Variants in PCDHB8 observed in about 807,000 individuals in gnomAD.
The protein encoded by PCDHB8 is protocadherin beta 8.
For synonymous variants in PCDHB8, 385 were observed against 448.5 expected, an observed-to-expected ratio of 0.86 and a Z score of 1.79; for missense variants, 836 against 1,004.0, an observed-to-expected ratio of 0.83 and a Z score of 2.26.
chr5:141,180,453 T>A lies in PCDHB8; in HGVS notation c.*13T>A. 1 of 1,476,956 alleles carries A rather than the reference T, an allele frequency of 6.8e-7. No homozygotes were observed. Among genetic ancestry groups the A allele is most frequent in the Non-Finnish European group, 9.0e-7 (1 of 1,105,918 alleles). 91.5% of individuals were successfully genotyped at this position (1,476,956 alleles called of 1,614,324 possible). A position where few individuals can be genotyped will look rare whatever the true frequency, so the allele number is the denominator to read the frequency against. ...TCAGTTAAAGTAATTGATTTCATAT[T>A]ATATATTTTAATTTTTATGATCAAT... On this transcript the variant is annotated 3_prime_UTR_variant, in exon 1 of 1. Coordinates refer to ENST00000239444, the MANE Select transcript of PCDHB8 (RefSeq NM_019120.5).
At position 141,179,938 on chromosome 5, in the gene PCDHB8, A is replaced by T; in HGVS notation, c.1904A>T (p.Asp635Val). ...ACCGCCAGGCTGCTGAGCGAGCGCG[A>T]CGCGGCCAAGCAGAGGCTGGTGGTG... ...VRTARLLSERDAAKQRLVVLV... is the reference protein window; with the variant it reads ...VRTARLLSERVAAKQRLVVLV... The change falls in exon 1 of 1, where the codon GAC becomes GTC. Residue 635 changes from aspartate (D) to valine (V), a missense_variant. Transcript: ENST00000239444. 6.2e-7 allele frequency: 1 copy of T among 1,608,916 alleles called. No homozygotes were observed. Among genetic ancestry groups the T allele is most frequent in the Non-Finnish European group, 8.5e-7 (1 of 1,179,548 alleles).
chr5:141,178,716 C>T lies in PCDHB8; in HGVS notation c.682C>T (p.Gln228Ter). ...CTCTCCGCCCAGATCTGGCACTGCT[C>T]AGGTCTACATTGAAGTTGTCGATGT... ...GGSPPRSGTAQVYIEVVDVND... is the reference protein window; with the variant it reads ...GGSPPRSGTA Residue 228 changes from glutamine to a stop codon, truncating the protein, a stop_gained, in exon 1 of 1, where the codon CAG becomes TAG. Coordinates refer to ENST00000239444, the MANE Select transcript of PCDHB8 (RefSeq NM_019120.5). LOFTEE classifies it low-confidence loss of function (END_TRUNC). 6.4e-7 allele frequency: 1 copy of T among 1,574,072 alleles called. No homozygotes were observed. Among genetic ancestry groups the T allele is most frequent in the Non-Finnish European group, 8.7e-7 (1 of 1,146,512 alleles).
chr5:141,180,224 G>C lies in PCDHB8; in HGVS notation c.2190G>C (p.Glu730Asp). 6.2e-7 allele frequency: 1 copy of C among 1,613,408 alleles called. No individual in the cohort carries two copies. The change falls in exon 1 of 1, where the codon GAG becomes GAC. Residue 730 changes from glutamate to aspartate, a missense_variant. Transcript: ENST00000239444. ...AASVGRCSVPEGPFPGHLVDV... is the reference protein window; with the variant it reads ...AASVGRCSVPDGPFPGHLVDV... ...CGGTGGGTCGCTGCTCAGTGCCTGA[G>C]GGCCCCTTTCCAGGGCATCTGGTGG...
Position 141,180,500 on chromosome 5 carries a change from A to G in PCDHB8, c.*60A>G. The G allele has an allele frequency of 7.9e-7, 1 of 1,258,694 alleles. No individual in the cohort carries two copies. 78.0% of individuals were successfully genotyped at this position (1,258,694 alleles called of 1,614,324 possible). On this transcript the variant is annotated 3_prime_UTR_variant, in exon 1 of 1. Coordinates refer to ENST00000239444, the MANE Select transcript of PCDHB8 (RefSeq NM_019120.5). ...CAATTCAAAGGAATGGTTTTCTGTC[A>G]ACTTAGCATAAATTTTAAATTACAC...
chr5:141,177,991 T>C lies in PCDHB8; in HGVS notation c.-44T>C. The C allele has an allele frequency of 6.2e-7, 1 of 1,613,718 alleles. No homozygotes were observed. The highest frequency in any genetic ancestry group is 8.5e-7 in the Non-Finnish European group (1 of 1,179,944). On this transcript the variant is annotated 5_prime_UTR_variant, in exon 1 of 1. Transcript: ENST00000239444. Reference sequence around the variant, plus strand: ...GCCTCAGATACTGGGGACTTTACAGTCCCACAGAACCGTCCTCCCAGGAAG... The same window carrying C: ...GCCTCAGATACTGGGGACTTTACAGCCCCACAGAACCGTCCTCCCAGGAAG...
rs781970657 is a variant in PCDHB8 at position 141,179,285 on chromosome 5, G to A, written c.1251G>A (p.Glu417=). ...ETPLDRESRA[E]YNVTITVTDL... is the part of the protein sequence containing the mutation. ...CACTAGACAGAGAAAGCAGAGCCGAGTACAACGTCACTATCACCGTCACTG... is the reference window on the plus strand; with the variant it reads ...CACTAGACAGAGAAAGCAGAGCCGAATACAACGTCACTATCACCGTCACTG... Residue 417 remains glutamate (E), a synonymous_variant, in exon 1 of 1, where the codon GAG becomes GAA. Transcript: ENST00000239444. The A allele has an allele frequency of 6.8e-6, 11 of 1,614,234 alleles. No individual in the cohort carries two copies. The highest frequency in any genetic ancestry group is 4.5e-5 in the East Asian group (2 of 44,888).
Position 141,179,520 on chromosome 5 carries a change from G to T in PCDHB8, c.1486G>T (p.Asp496Tyr). ...QVTYSLLPPQ[D>Y]PHLPLASLVS... is the part of the protein sequence containing the mutation. ...CACCTACTCGCTGCTGCCGCCCCAG[G>T]ATCCGCACCTGCCCCTCGCCTCCCT... Residue 496 changes from aspartate (D) to tyrosine (Y), a missense_variant, in exon 1 of 1, where the codon GAT becomes TAT. Coordinates refer to ENST00000239444, the MANE Select transcript of PCDHB8 (RefSeq NM_019120.5). 6.2e-7 allele frequency: 1 copy of T among 1,613,690 alleles called. No homozygotes were observed. The highest frequency in any genetic ancestry group is 8.5e-7 in the Non-Finnish European group (1 of 1,179,996).
In PCDHB8 at chr5:141,180,016, T is replaced by G; in HGVS notation, c.1982T>G (p.Val661Gly). 1 of 1,609,068 alleles carries G rather than the reference T, an allele frequency of 6.2e-7. No homozygotes were observed. The highest frequency in any genetic ancestry group is 8.5e-7 in the Non-Finnish European group (1 of 1,179,764). ...TGCTCGGCCACCGCCACGCTGCACG[T>G]GCTCCTGGTGGACGGCTTCTCCCAG... ...PPCSATATLH[V>G]LLVDGFSQPY... The change falls in exon 1 of 1, where the codon GTG becomes GGG. Residue 661 changes from valine to glycine, a missense_variant. Transcript: ENST00000239444.
At position 141,179,251 on chromosome 5, in the gene PCDHB8, C is replaced by T. The variant is rs1753470289; in HGVS notation, c.1217C>T (p.Thr406Ile). The change falls in exon 1 of 1, where the codon ACA becomes ATA. Residue 406 changes from threonine to isoleucine, a missense_variant. Physicochemically the swap from Thr to Ile is moderately conservative, Grantham distance 89 (BLOSUM62 -1). Coordinates refer to ENST00000239444, the MANE Select transcript of PCDHB8 (RefSeq NM_019120.5). ...GTGGGGAACTTTTACACCCTACTAA[C>T]AGAGACACCACTAGACAGAGAAAGC... ...SSVGNFYTLL[T>I]ETPLDRESRA... 6.2e-7 allele frequency: 1 copy of T among 1,614,212 alleles called. No homozygotes were observed. Among genetic ancestry groups the T allele is most frequent in the Non-Finnish European group, 8.5e-7 (1 of 1,180,040 alleles).
Position 141,179,662 on chromosome 5 carries a change from G to T in PCDHB8, c.1628G>T (p.Ser543Ile). 1 of 1,612,580 alleles carries T rather than the reference G, an allele frequency of 6.2e-7. No individual in the cohort carries two copies. The highest frequency in any genetic ancestry group is 8.5e-7 in the Non-Finnish European group (1 of 1,179,868). The change falls in exon 1 of 1, where the codon AGC becomes ATC. Residue 543 changes from serine to isoleucine, a missense_variant. Transcript: ENST00000239444. ...GASDRGSPAL[S>I]SEALVRVLVL... Reference sequence around the variant, plus strand: ...TCAGACCGCGGCTCCCCGGCTTTGAGCAGCGAGGCGCTGGTGCGCGTGCTG... The same window carrying T: ...TCAGACCGCGGCTCCCCGGCTTTGATCAGCGAGGCGCTGGTGCGCGTGCTG...
In PCDHB8 at chr5:141,178,870, C is replaced by G; in HGVS notation, c.836C>G (p.Ser279Cys). 6.2e-7 allele frequency: 1 copy of G among 1,614,258 alleles called. No homozygotes were observed. The highest frequency in any genetic ancestry group is 1.1e-5 in the South Asian group (1 of 91,086). ...DVDTGVNGEISYSLFQASDEI... is the reference protein window; with the variant it reads ...DVDTGVNGEICYSLFQASDEI... ...GACACAGGAGTCAACGGAGAGATTT[C>G]CTATTCACTTTTCCAAGCTTCAGAT... The change falls in exon 1 of 1, where the codon TCC becomes TGC. Residue 279 changes from serine to cysteine, a missense_variant. Transcript: ENST00000239444.
In PCDHB8 at chr5:141,178,993, T is replaced by C. The variant is rs1753459404; in HGVS notation, c.959T>C (p.Ile320Thr). The change falls in exon 1 of 1, where the codon ATC becomes ACC. Residue 320 changes from isoleucine to threonine, a missense_variant. By Grantham distance (89) the Ile-to-Thr change is moderately conservative. Coordinates refer to ENST00000239444, the MANE Select transcript of PCDHB8 (RefSeq NM_019120.5). ...AAATTTCAGTCCTATGAAGTCAATA[T>C]CGAGGCGAGAGATGCTGGAGGCTTT... is the stretch of plus-strand genomic sequence containing the variant. ...FEKFQSYEVN[I>T]EARDAGGFSG... The C allele has an allele frequency of 1.2e-6, 2 of 1,614,100 alleles. No individual in the cohort carries two copies.
In PCDHB8 at chr5:141,178,783, T is replaced by G; in HGVS notation, c.749T>G (p.Val250Gly). Residue 250 changes from valine (V) to glycine (G), a missense_variant, in exon 1 of 1, where the codon GTG becomes GGG. Physicochemically the swap from Val to Gly is moderately radical, Grantham distance 109 (BLOSUM62 -3). Coordinates refer to ENST00000239444, the MANE Select transcript of PCDHB8 (RefSeq NM_019120.5). ...GAATTTGAGCAGCCTTTCTATAGGG[T>G]GCAGATCTCTGAGGACAGTCCAATA... ...APEFEQPFYR[V>G]QISEDSPISF... 1 of 1,614,010 alleles carries G rather than the reference T, an allele frequency of 6.2e-7. No homozygotes were observed.
In PCDHB8 at chr5:141,180,290, C is replaced by G. The variant is rs534687157; in HGVS notation, c.2256C>G (p.Tyr752Ter). The G allele has an allele frequency of 6.8e-6, 11 of 1,613,980 alleles. No individual in the cohort carries two copies. Among genetic ancestry groups the G allele is most frequent in the Non-Finnish European group, 7.6e-6 (9 of 1,179,954 alleles). Residue 752 changes from tyrosine to a stop codon, truncating the protein, a stop_gained, in exon 1 of 1, where the codon TAC (tyrosine) becomes TAG (stop). Transcript: ENST00000239444. LOFTEE classifies it low-confidence loss of function (END_TRUNC). The stretch of plus-strand genomic sequence containing the variant: ...GGAGCCTGTCTCAGAACTATCAGTA[C>G]GAGGTGTGCCTGGCAGGAGGCTCAG... ...GTGSLSQNYQ[Y>*]EVCLAGGSGT...
Position 141,178,631 on chromosome 5 carries a change from A to C in PCDHB8, c.597A>C (p.Lys199Asn), listed in dbSNP as rs2950845. Residue 199 changes from lysine to asparagine, a missense_variant, in exon 1 of 1, where the codon AAA (lysine) becomes AAC (asparagine). Physicochemically the swap from Lys to Asn is moderately conservative, Grantham distance 94 (BLOSUM62 0). Coordinates refer to ENST00000239444, the MANE Select transcript of PCDHB8 (RefSeq NM_019120.5). ...GRKYPELVLD[K>N]ALDREEEAEL... is the part of the protein sequence containing the mutation. The stretch of plus-strand genomic sequence containing the variant: ...AATACCCAGAGCTGGTGCTGGACAA[A>C]GCGCTGGACCGAGAGGAAGAAGCTG... The C allele has an allele frequency of 0.15, 235,452 of 1,572,932 alleles. 21,698 individuals are homozygous for C. The highest frequency in any genetic ancestry group is 0.18 in the Middle Eastern group (1,080 of 5,932).
At position 141,179,180 on chromosome 5, in the gene PCDHB8, A is replaced by T. The variant is rs570086758; in HGVS notation, c.1146A>T (p.Ile382=). ...TTGATTCAGGAGAAAATGGGAAAATAAGTTGCTCCATTCAGGAGGATCTAC... is the reference window on the plus strand; with the variant it reads ...TTGATTCAGGAGAAAATGGGAAAATTAGTTGCTCCATTCAGGAGGATCTAC... ...SDLDSGENGK[I]SCSIQEDLPF... Residue 382 remains isoleucine, a synonymous_variant, in exon 1 of 1, where the codon ATA becomes ATT. Coordinates refer to ENST00000239444, the MANE Select transcript of PCDHB8 (RefSeq NM_019120.5). The T allele has an allele frequency of 9.3e-6, 15 of 1,614,180 alleles. No homozygotes were observed. The highest frequency in any genetic ancestry group is 6.7e-5 in the Admixed American group (4 of 60,024).
In PCDHB8 at chr5:141,178,900, T is replaced by G. The variant is rs1416701502; in HGVS notation, c.866T>G (p.Ile289Arg). The G allele has an allele frequency of 3.1e-6, 5 of 1,614,246 alleles. No individual in the cohort carries two copies. The African/African-American group carries it at 6.7e-5, about 22-fold the overall frequency. ...TCACTTTTCCAAGCTTCAGATGAGA[T>G]AAGCAAAACTTTTAAGGTCGATTTC... ...SYSLFQASDE[I>R]SKTFKVDFLT... Residue 289 changes from isoleucine (I) to arginine (R), a missense_variant, in exon 1 of 1, where the codon ATA becomes AGA. By Grantham distance (97) the Ile-to-Arg change is moderately conservative. Coordinates refer to ENST00000239444, the MANE Select transcript of PCDHB8 (RefSeq NM_019120.5).
Position 141,179,362 on chromosome 5 carries a change from C to G in PCDHB8, c.1328C>G (p.Ser443Trp), listed in dbSNP as rs1485627443. ...TTHLNMTVLVSDVNDNAPAFT... is the reference protein window; with the variant it reads ...TTHLNMTVLVWDVNDNAPAFT... Reference sequence around the variant, plus strand: ...CATCTCAATATGACCGTGCTGGTGTCGGACGTCAATGACAACGCCCCCGCC... The same window carrying G: ...CATCTCAATATGACCGTGCTGGTGTGGGACGTCAATGACAACGCCCCCGCC... The change falls in exon 1 of 1, where the codon TCG (serine) becomes TGG (tryptophan). Residue 443 changes from serine to tryptophan, a missense_variant. Ser to Trp is a radical substitution (Grantham distance 177). Transcript: ENST00000239444. 1.9e-6 allele frequency: 3 copies of G among 1,614,086 alleles called. No homozygotes were observed. The highest frequency in any genetic ancestry group is 1.3e-5 in the African/African-American group (1 of 74,910).
Position 141,179,187 on chromosome 5 carries a change from T to G in PCDHB8, c.1153T>G (p.Ser385Ala). ...AGGAGAAAATGGGAAAATAAGTTGC[T>G]CCATTCAGGAGGATCTACCCTTCCT... ...DSGENGKISC[S>A]IQEDLPFLLK... Residue 385 changes from serine to alanine, a missense_variant, in exon 1 of 1, where the codon TCC becomes GCC. Ser to Ala is a moderately conservative substitution (Grantham distance 99). Coordinates refer to ENST00000239444, the MANE Select transcript of PCDHB8 (RefSeq NM_019120.5). The G allele has an allele frequency of 6.2e-7, 1 of 1,614,120 alleles. No homozygotes were observed. The highest frequency in any genetic ancestry group is 1.1e-5 in the South Asian group (1 of 91,082).
Sources: allele counts gnomAD v4.1 joint callset, GRCh38; gene constraint gnomAD v4.1.1; transcripts MANE v1.5; gene names NCBI Gene and HGNC (gene_info 2026-07-23, HGNC 2026-07-21).